Variants in CACNA1E observed in about 807,000 individuals in gnomAD.
The protein encoded by CACNA1E is calcium voltage-gated channel subunit alpha1 E, also known as voltage-dependent R-type calcium channel subunit alpha-1E.
A neutral mutation model predicts 259.2 loss-of-function variants in CACNA1E; 40 were observed. That is an observed-to-expected ratio of 0.15 (90% CI 0.12 to 0.20). The LOEUF (loss-of-function observed/expected upper bound fraction) is 0.20, where lower values mean the gene tolerates loss of function less well. Ranked by LOEUF, CACNA1E falls within the 10% of genes least tolerant of loss-of-function variation. CACNA1E has a pLI of 1.00. For missense variants in CACNA1E, 1,874 were observed against 3,040.1 expected, an observed-to-expected ratio of 0.62 and a Z score of 9.02; for synonymous variants, 1,104 against 1,138.5, an observed-to-expected ratio of 0.97 and a Z score of 0.61.
At chr1:181,771,421 C>T in intron 36 of CACNA1E, 37 bp downstream of exon 36, 2 of 1,099,380 alleles carry the variant, frequency 1.8e-6, no homozygotes, top group Middle Eastern at 2.0e-4. Context: ...TGGGGTTCTC[C>T]TGATGGAGGG....
intron 1 of CACNA1E, among the ~76,000 whole-genome samples, chr1:181,320,894 T>C (rs1253876241): frequency 6.6e-6 from 1 of 152,170 alleles, no homozygotes; most frequent in African/African-American, 2.4e-5. Flanking sequence ...TGAGGCTGGA[T>C]AATTTATTTT....
At chr1:181,355,226 T>G (rs1424521292) in intron 1 of CACNA1E, among the ~76,000 whole-genome samples, 4 of 152,066 alleles carry the variant, frequency 2.6e-5, no homozygotes, top group Non-Finnish European at 4.4e-5. Context: ...AGCACCAGTT[T>G]CCTCATCAGA....
chr1:181,327,190 G>A (rs558528604), intron 1 of CACNA1E, among the ~76,000 whole-genome samples: 1 of 152,286 alleles, frequency 6.6e-6, no homozygotes, highest in East Asian at 1.9e-4. Flanking sequence ...AAGTAAAGAT[G>A]CTACTCTGGA....
intron 3 of CACNA1E, among the ~76,000 whole-genome samples, chr1:181,513,169 A>G (rs569573677): frequency 2.6e-4 from 39 of 152,360 alleles, no homozygotes; most frequent in African/African-American, 8.7e-4. Flanking sequence ...TTAAATGATT[A>G]TATGTTCATT....
At chr1:181,410,005 G>A (rs946325956) in intron 1 of CACNA1E, among the ~76,000 whole-genome samples, 1 of 152,106 alleles carries the variant, frequency 6.6e-6, no homozygotes, top group Non-Finnish European at 1.5e-5. Flanking sequence ...AGCTGGGAGG[G>A]TGGCCCAGGA....
At chr1:181,349,112 G>A (rs545147933) in intron 1 of CACNA1E, among the ~76,000 whole-genome samples, 1 of 152,302 alleles carries the variant, frequency 6.6e-6, no homozygotes, top group Non-Finnish European at 1.5e-5. Flanking sequence ...AGCAGGGAGG[G>A]GGCGGGCTTG....
intron 6 of CACNA1E, among the ~76,000 whole-genome samples, chr1:181,609,685 C>G (rs1005869689): frequency 6.6e-6 from 1 of 152,168 alleles, no homozygotes; most frequent in Admixed American, 6.5e-5. Flanking sequence ...TTATTCATGT[C>G]ATTAAGCACT....
chr1:181,700,596 G>A (rs1416918953), intron 7 of CACNA1E, among the ~76,000 whole-genome samples: 3 of 152,200 alleles, frequency 2.0e-5, no homozygotes, highest in Non-Finnish European at 4.4e-5. Flanking sequence ...TTGAGGTACA[G>A]CTGCTTCTAG....
chr1:181,763,686 T>C (rs1658782470), intron 34 of CACNA1E, among the ~76,000 whole-genome samples, 155 bp downstream of exon 34: 1 of 152,242 alleles, frequency 6.6e-6, no homozygotes, highest in Non-Finnish European at 1.5e-5. Flanking sequence ...CTGCAATTCT[T>C]AGTTACAGCA....
chr1:181,792,907 A>C (rs1170554036), intron 44 of CACNA1E, among the ~76,000 whole-genome samples: 1 of 152,268 alleles, frequency 6.6e-6, no homozygotes, highest in East Asian at 1.9e-4. Flanking sequence ...AGGCTGGCAC[A>C]GTCCAAAACA....
At chr1:181,495,389 A>G (rs191854966) in intron 1 of CACNA1E, among the ~76,000 whole-genome samples, 22 of 152,360 alleles carry the variant, frequency 1.4e-4, no homozygotes, top group Admixed American at 9.1e-4. Context: ...GGATTTTTCA[A>G]ATGTAAAACA....
At chr1:181,684,266 C>T (rs376559957) in intron 7 of CACNA1E, among the ~76,000 whole-genome samples, 1 of 151,994 alleles carries the variant, frequency 6.6e-6, no homozygotes, top group Admixed American at 6.6e-5. Flanking sequence ...GCTTTGTTGG[C>T]CATGTGTATG....
intron 1 of CACNA1E, among the ~76,000 whole-genome samples, chr1:181,340,466 G>T (rs535431110): frequency 6.6e-6 from 1 of 151,872 alleles, no homozygotes; most frequent in Admixed American, 6.6e-5. Flanking sequence ...AACTTACCTA[G>T]CTCCTCCACA....
chr1:181,450,656 C>T lies in CACNA1E; in HGVS notation c.435-33088C>T, dbSNP rs528741949. ...GATTAGATTAGCAGGAACTAAAAAA[C>T]GAGATAATAATGTATAGGCCAGGTG... On this transcript the variant is annotated intron_variant, in intron 2 of 11. Transcript: ENST00000524607. Among the ~76,000 whole-genome samples, 66 of 152,176 alleles carry T rather than the reference C, an allele frequency of 4.3e-4. 1 individual carries two copies. The South Asian group carries it at 5.8e-3, about 13-fold the overall frequency.
chr1:181,531,847 G>T (rs567880374), intron 3 of CACNA1E, among the ~76,000 whole-genome samples: 1 of 152,280 alleles, frequency 6.6e-6, no homozygotes, highest in South Asian at 2.1e-4. Context: ...CTGAGGTCAG[G>T]AGTTTGAGAC....
intron 25 of CACNA1E, chr1:181,745,462 C>G: frequency 2.7e-6 from 1 of 372,970 alleles, no homozygotes; most frequent in Non-Finnish European, 5.2e-6. Flanking sequence ...CACACGGTAA[C>G]CAACAACCAA....
chr1:181,391,214 T>C lies in CACNA1E; in HGVS notation c.-14-21919T>C, dbSNP rs1052305414. Among the ~76,000 whole-genome samples the C allele has an allele frequency of 2.0e-5, 3 of 152,162 alleles. No individual in the cohort carries two copies. The South Asian group carries it at 6.2e-4, about 32-fold the overall frequency. ...TAAGGGTGGTTTAAAATTCTACTCATTTTCCTCTTTTATCAGCAGTTTTTG... is the reference window on the plus strand; with the variant it reads ...TAAGGGTGGTTTAAAATTCTACTCACTTTCCTCTTTTATCAGCAGTTTTTG... On this transcript the variant is annotated intron_variant, in intron 1 of 11. Transcript: ENST00000524607.
intron 6 of CACNA1E, among the ~76,000 whole-genome samples, chr1:181,617,171 TTTTA>T (rs1655296515): frequency 6.6e-6 from 1 of 152,212 alleles, no homozygotes; most frequent in Admixed American, 6.5e-5. Flanking sequence ...TTATTTTTGT[TTTTA>T]TTTATGTTCT....
intron 37 of CACNA1E, among the ~76,000 whole-genome samples, chr1:181,775,418 T>C (rs1289859777): frequency 6.6e-6 from 1 of 152,202 alleles, no homozygotes; most frequent in Non-Finnish European, 1.5e-5. Context: ...CCCTGGTAGA[T>C]TCAGGAGTAC....
Sources: allele counts gnomAD v4.1 joint callset (sites outside exome capture counted in the v4.1 genomes callset), GRCh38; gene constraint gnomAD v4.1.1; transcripts MANE v1.5; gene names NCBI Gene and HGNC (gene_info 2026-07-23, HGNC 2026-07-21).